ITIH5: variants seen among roughly 807,000 people sequenced by gnomAD.
ITIH5 encodes the protein inter-alpha-trypsin inhibitor heavy chain H5.
Under a neutral mutation model 77.5 loss-of-function variants are expected in ITIH5, and 65 were observed. The observed-to-expected ratio is 0.84, with a 90% CI of 0.69 to 1.03. ITIH5 has a LOEUF of 1.03. Ranked by LOEUF, ITIH5 falls within the 50% of genes least tolerant of loss-of-function variation. The probability of loss-of-function intolerance (pLI) is 0.00; values close to 1 mark genes in which losing one functional copy is unlikely to be tolerated. For missense variants in ITIH5, 1,208 were observed against 1,213.1 expected, an observed-to-expected ratio of 1.00 and a Z score of 0.06; for synonymous variants, 525 against 494.3, an observed-to-expected ratio of 1.06 and a Z score of -0.82.
At chr10:7,613,797 C>T (rs1005099667) in intron 7 of ITIH5, among the ~76,000 whole-genome samples, 2 of 151,254 alleles carry the variant, frequency 1.3e-5, no homozygotes, top group African/African-American at 2.4e-5. Context: ...CCCTCTGTAG[C>T]TTAGGGGTGC....
intron 7 of ITIH5, among the ~76,000 whole-genome samples, chr10:7,590,111 G>A (rs1424247231): frequency 2.0e-5 from 3 of 152,016 alleles, no homozygotes; most frequent in East Asian, 1.9e-4. Context: ...TTCTCCCTGC[G>A]TGTCCCACAG....
rs1256573141 is a variant in ITIH5, at chr10:7,637,406, A to T, written c.474T>A (p.Ser158Arg). 6.2e-7 allele frequency: 1 copy of T among 1,613,874 alleles called. No individual in the cohort carries two copies. The highest frequency in any genetic ancestry group is 8.5e-7 in the Non-Finnish European group (1 of 1,179,912). ...GGCGCCTCTGCAGAAGCTCCTCATAACTCAGGAAAAAGGCGGCTTTGTCCT... is the reference window on the plus strand; with the variant it reads ...GGCGCCTCTGCAGAAGCTCCTCATATCTCAGGAAAAAGGCGGCTTTGTCCT... ...PSKDKAAFFL[S>R]YEELLQRRLG... The change falls in exon 5 of 14, where the codon AGT becomes AGA. Residue 158 changes from serine to arginine, a missense_variant. Ser to Arg is a moderately radical substitution (Grantham distance 110, BLOSUM62 -1). Coordinates refer to ENST00000397146, the MANE Select transcript of ITIH5 (RefSeq NM_030569.7).
chr10:7,576,776 G>T lies in ITIH5; in HGVS notation c.1655C>A (p.Ala552Glu). The change falls in exon 10 of 14, where the codon GCA becomes GAA. Residue 552 changes from alanine to glutamate, a missense_variant. By Grantham distance (107) the Ala-to-Glu change is moderately radical. Coordinates refer to ENST00000397146, the MANE Select transcript of ITIH5 (RefSeq NM_030569.7). ...KTDVPVRPQKAGKDVTGSPRP... is the reference protein window; with the variant it reads ...KTDVPVRPQKEGKDVTGSPRP... The stretch of plus-strand genomic sequence containing the variant: ...GGGGCTTCCTGTGACATCTTTCCCT[G>T]CCTTCTGAGGCCGCACAGGCACATC... The T allele has an allele frequency of 6.2e-7, 1 of 1,614,208 alleles. No individual in the cohort carries two copies. Among genetic ancestry groups the T allele is most frequent in the Non-Finnish European group, 8.5e-7 (1 of 1,180,040 alleles).
Position 7,586,035 on chromosome 10 carries a change from A to G in ITIH5, c.974T>C (p.Leu325Pro). The G allele has an allele frequency of 6.2e-7, 1 of 1,613,756 alleles. No homozygotes were observed. Among genetic ancestry groups the G allele is most frequent in the South Asian group, 1.1e-5 (1 of 91,018 alleles). ...KDALFTILHD[L>P]RPQDRFSIIG... is the part of the protein sequence containing the mutation. ...GATACTGAAACGGTCCTGGGGTCGG[A>G]GGTCATGGAGAATTGTGAAGAGGGC... is the stretch of plus-strand genomic sequence containing the variant. Residue 325 changes from leucine (L) to proline (P), a missense_variant, in exon 8 of 14, where the codon CTC (leucine) becomes CCC (proline). Transcript: ENST00000397146.
chr10:7,605,878 T>C (rs994347197), intron 7 of ITIH5, among the ~76,000 whole-genome samples: 12 of 152,158 alleles, frequency 7.9e-5, no homozygotes, highest in Non-Finnish European at 1.5e-5. Context: ...CCAATTCCAA[T>C]TTGGGACTTA....
chr10:7,560,083 C>G lies in ITIH5; in HGVS notation c.*3000G>C, dbSNP rs61836565. 5,367 of 304,506 alleles carry G rather than the reference C, an allele frequency of 0.018. 72 individuals are homozygous for G. The highest frequency in any genetic ancestry group is 0.026 in the Non-Finnish European group (4,042 of 157,834). 18.9% of individuals were successfully genotyped at this position (304,506 alleles called of 1,614,324 possible). A position where few individuals can be genotyped will look rare whatever the true frequency, so the allele number is the denominator to read the frequency against. ...GCCAGGATGGTCTCCATCTCCTGAC[C>G]TCATGATCCACCCTTCTCGGCCTCC... On this transcript the variant is annotated 3_prime_UTR_variant, in exon 14 of 14. Transcript: ENST00000397146.
At chr10:7,605,849 C>T (rs1038433882) in intron 7 of ITIH5, among the ~76,000 whole-genome samples, 4 of 152,102 alleles carry the variant, frequency 2.6e-5, no homozygotes, top group Non-Finnish European at 1.5e-5. Flanking sequence ...CCTATCTAGC[C>T]CTTTACAGAA....
intron 1 of ITIH5, among the ~76,000 whole-genome samples, chr10:7,663,497 G>C (rs955072567): frequency 6.6e-6 from 1 of 152,154 alleles, no homozygotes; most frequent in African/African-American, 2.4e-5. Context: ...CCCTAAAAAT[G>C]CGTGATGTTT....
chr10:7,640,344 G>T (rs576770483), intron 4 of ITIH5, among the ~76,000 whole-genome samples: 1 of 151,910 alleles, frequency 6.6e-6, no homozygotes, highest in East Asian at 1.9e-4. Flanking sequence ...GGGTGTGGTG[G>T]TGCACACCTG....
At chr10:7,606,841 T>C (rs926492742) in intron 7 of ITIH5, among the ~76,000 whole-genome samples, 1 of 152,234 alleles carries the variant, frequency 6.6e-6, no homozygotes, top group Admixed American at 6.5e-5. Context: ...AATTTTTCAA[T>C]GGGTGCCTCT....
intron 4 of ITIH5, 30 bp from the exon 5 acceptor site, chr10:7,637,508 G>T: frequency 6.2e-7 from 1 of 1,607,976 alleles, no homozygotes; most frequent in South Asian, 1.1e-5. Flanking sequence ...GGACCCCAGG[G>T]AGGTTCGGAA....
intron 7 of ITIH5, among the ~76,000 whole-genome samples, chr10:7,601,329 G>A (rs767029086): frequency 4.3e-4 from 65 of 152,154 alleles, no homozygotes; most frequent in Non-Finnish European, 9.1e-4. Context: ...GTTCTTGGAG[G>A]TCAAGAATGC....
At chr10:7,590,566 C>T (rs1320307478) in intron 7 of ITIH5, among the ~76,000 whole-genome samples, 1 of 152,186 alleles carries the variant, frequency 6.6e-6, no homozygotes, top group Non-Finnish European at 1.5e-5. Context: ...TTTCTCTTTA[C>T]TGTAACGTAT....
chr10:7,566,029 C>A lies in ITIH5; in HGVS notation c.2527+1G>T. 6.2e-7 allele frequency: 1 copy of A among 1,612,856 alleles called. No homozygotes were observed. Among genetic ancestry groups the A allele is most frequent in the Admixed American group, 1.7e-5 (1 of 59,992 alleles). On this transcript the variant is annotated splice_donor_variant, in intron 13 of 13. Transcript: ENST00000397146. LOFTEE classifies it high-confidence loss of function. ...AGCGTGAGGAGAGCGCAGCTTCCTA[C>A]CCAGCAGTCCGTGGCAGTTGCTGGA...
rs71383926 is a variant in ITIH5 at position 7,612,658 on chromosome 10, G to GTT, written c.939+3322_939+3323dup. On this transcript the variant is annotated intron_variant, in intron 7 of 13. Transcript: ENST00000397146. The stretch of plus-strand genomic sequence containing the variant: ...AACCCTGCCCCCACAAAAAAGCTGT[G>GTT]TTTTTTTTTTTTTTTTAGAAAGGAA... Among the ~76,000 whole-genome samples, 665 of 136,970 alleles carry GTT rather than the reference G, an allele frequency of 4.9e-3. 6 individuals carry two copies. Among genetic ancestry groups the GTT allele is most frequent in the African/African-American group, 0.016 (610 of 37,730 alleles). 89.9% of individuals were successfully genotyped at this position (136,970 alleles called of 152,430 possible).
chr10:7,608,564 T>G (rs1448642022), intron 7 of ITIH5, among the ~76,000 whole-genome samples: 1 of 152,218 alleles, frequency 6.6e-6, no homozygotes, highest in African/African-American at 2.4e-5. Flanking sequence ...ATTACAGGCA[T>G]GAGCCACCAT....
chr10:7,586,284 G>A (rs1832678720), intron 7 of ITIH5, among the ~76,000 whole-genome samples: 1 of 152,158 alleles, frequency 6.6e-6, no homozygotes, highest in South Asian at 2.1e-4. Context: ...GTGAATCAGT[G>A]CTGAATGCCG....
At chr10:7,628,654 T>C (rs1394230928) in intron 5 of ITIH5, among the ~76,000 whole-genome samples, 1 of 143,836 alleles carries the variant, frequency 7.0e-6, no homozygotes, top group Non-Finnish European at 1.5e-5. Context: ...GTCCATGTTG[T>C]CTGGGTTGTC....
chr10:7,626,563 C>T lies in ITIH5; in HGVS notation c.653-9281G>A, dbSNP rs918115636. ...GCCCTTCCAGCCGCAGAGCAGAGAC[C>T]GGACCCAGACCGGGACCCTGGAGCT... On this transcript the variant is annotated intron_variant, in intron 5 of 13. Coordinates refer to ENST00000397146, the MANE Select transcript of ITIH5 (RefSeq NM_030569.7). Among the ~76,000 whole-genome samples, 6 of 152,268 alleles carry T rather than the reference C, an allele frequency of 3.9e-5. No individual in the cohort carries two copies. The East Asian group carries it at 5.8e-4, about 15-fold the overall frequency.
Sources: allele counts gnomAD v4.1 joint callset (sites outside exome capture counted in the v4.1 genomes callset), GRCh38; gene constraint gnomAD v4.1.1; transcripts MANE v1.5; gene names NCBI Gene and HGNC (gene_info 2026-07-23, HGNC 2026-07-21).